The following HPSE2 variants were observed in gnomAD, a reference collection of about 807,000 sequenced individuals.
HPSE2 encodes heparanase 2 (inactive), also known as inactive heparanase-2.
HPSE2 carries 38 observed loss-of-function variants against 60.5 expected under a neutral mutation model. The observed-to-expected ratio is 0.63, with a 90% CI of 0.48 to 0.82. HPSE2 has a LOEUF of 0.82. Ranked by LOEUF, HPSE2 falls within the 40% of genes least tolerant of loss-of-function variation. HPSE2 has a pLI of 0.00. For synonymous variants in HPSE2, 295 were observed against 293.2 expected (o/e 1.01, Z -0.06); for missense variants, 713 against 740.4 (o/e 0.96, Z 0.43).
At chr10:98,957,549 G>C (rs982090596) in intron 3 of HPSE2, among the ~76,000 whole-genome samples, 6 of 152,182 alleles carry the variant, frequency 3.9e-5, no homozygotes, top group African/African-American at 1.4e-4. Flanking sequence ...GATAGGAAGG[G>C]TAAGGCTGCC....
chr10:98,546,683 C>T (rs1217985778), intron 9 of HPSE2, among the ~76,000 whole-genome samples: 1 of 151,180 alleles, frequency 6.6e-6, no homozygotes, highest in Non-Finnish European at 1.5e-5. Context: ...ACATGTTAGA[C>T]CTAAAACCAT....
At chr10:99,096,456 C>A (rs964994317) in intron 3 of HPSE2, among the ~76,000 whole-genome samples, 3 of 152,052 alleles carry the variant, frequency 2.0e-5, no homozygotes, top group Admixed American at 6.6e-5. Context: ...AAACTGAGGT[C>A]CAAGGTTGTC....
intron 3 of HPSE2, among the ~76,000 whole-genome samples, chr10:98,822,097 GATGAC>G (rs1206263708): frequency 6.6e-6 from 1 of 152,144 alleles, no homozygotes; most frequent in African/African-American, 2.4e-5. Flanking sequence ...TGACATATCA[GATGAC>G]TAACTGGGCA....
intron 2 of HPSE2, among the ~76,000 whole-genome samples, chr10:99,155,997 T>C (rs1444569680): frequency 6.6e-6 from 1 of 151,326 alleles, no homozygotes. Flanking sequence ...CTAGAAAATC[T>C]AGAAGAAATG....
chr10:98,875,612 G>A (rs115381721), intron 3 of HPSE2, among the ~76,000 whole-genome samples: 171 of 151,752 alleles, frequency 1.1e-3, no homozygotes, highest in African/African-American at 3.9e-3. Context: ...AAGAATAACT[G>A]GTACCCTTCT....
chr10:99,127,939 T>G (rs935683581), intron 3 of HPSE2, among the ~76,000 whole-genome samples: 1 of 152,192 alleles, frequency 6.6e-6, no homozygotes, highest in Non-Finnish European at 1.5e-5. Context: ...AGACAAATGC[T>G]GAGAGAATTC....
At chr10:98,774,786 T>C (rs527993081) in intron 3 of HPSE2, among the ~76,000 whole-genome samples, 2 of 152,338 alleles carry the variant, frequency 1.3e-5, no homozygotes, top group Non-Finnish European at 2.9e-5. Flanking sequence ...TTCCTTTCCC[T>C]GCAAGAAGTA....
chr10:99,091,213 G>C lies in HPSE2; in HGVS notation c.610+53025C>G, dbSNP rs1843500185. On this transcript the variant is annotated intron_variant, in intron 3 of 11. Transcript: ENST00000370552. ...AATAGCATCCCATCAAATTAAAAATGAAACAGAAGCTCTAACATATCCCAA... is the reference window on the plus strand; with the variant it reads ...AATAGCATCCCATCAAATTAAAAATCAAACAGAAGCTCTAACATATCCCAA... Among the ~76,000 whole-genome samples, 3 of 152,230 alleles carry C rather than the reference G, an allele frequency of 2.0e-5. No individual in the cohort carries two copies. The South Asian group carries it at 6.2e-4, about 32-fold the overall frequency.
intron 2 of HPSE2, among the ~76,000 whole-genome samples, chr10:99,167,384 G>A (rs1847126254): frequency 6.6e-6 from 1 of 152,162 alleles, no homozygotes; most frequent in African/African-American, 2.4e-5. Flanking sequence ...TCTTCTAGAA[G>A]TTTTATAAGT....
intron 3 of HPSE2, among the ~76,000 whole-genome samples, chr10:98,828,422 C>T (rs1411672833): frequency 6.6e-6 from 1 of 152,114 alleles, no homozygotes; most frequent in Non-Finnish European, 1.5e-5. Flanking sequence ...TTCCTGGTAC[C>T]AATTATTTGT....
intron 3 of HPSE2, among the ~76,000 whole-genome samples, chr10:98,812,049 C>T (rs1305825266): frequency 2.0e-5 from 3 of 152,066 alleles, no homozygotes; most frequent in Non-Finnish European, 1.5e-5. Context: ...GTTCCAGCGA[C>T]ATTTTTGTAG....
chr10:98,466,942 C>T (rs540782082), intron 11 of HPSE2, among the ~76,000 whole-genome samples: 10 of 152,326 alleles, frequency 6.6e-5, no homozygotes, highest in Non-Finnish European at 1.3e-4. Context: ...CTTCTCCAAC[C>T]GCCAAGAGGC....
intron 3 of HPSE2, among the ~76,000 whole-genome samples, chr10:98,892,893 T>C (rs778989272): frequency 6.6e-6 from 1 of 152,144 alleles, no homozygotes; most frequent in Non-Finnish European, 1.5e-5. Context: ...TGTAGAGCTG[T>C]CCTCTGTCCT....
intron 3 of HPSE2, among the ~76,000 whole-genome samples, chr10:99,087,624 C>T (rs1843368277): frequency 1.3e-5 from 2 of 152,128 alleles, no homozygotes; most frequent in East Asian, 1.9e-4. Context: ...CGGGTGGGAT[C>T]CTGTGTGGCC....
chr10:98,628,222 T>C (rs1946269178), intron 7 of HPSE2, among the ~76,000 whole-genome samples: 1 of 152,144 alleles, frequency 6.6e-6, no homozygotes. Context: ...AAGAGCATGA[T>C]GGTGACATGT....
intron 9 of HPSE2, among the ~76,000 whole-genome samples, chr10:98,570,842 C>T (rs1944474132): frequency 6.6e-6 from 1 of 152,102 alleles, no homozygotes; most frequent in Non-Finnish European, 1.5e-5. Flanking sequence ...ATGATTTATC[C>T]TGTCCAATTA....
At chr10:99,274,287 C>G in the HPSE2 span, among the ~76,000 whole-genome samples, 1 of 152,182 alleles carries the variant, frequency 6.6e-6, no homozygotes, top group Non-Finnish European at 1.5e-5. Flanking sequence ...ACGGAGGTTG[C>G]AGTGAGCAAA....
At chr10:98,493,118 G>A (rs528170307) in intron 9 of HPSE2, among the ~76,000 whole-genome samples, 2 of 152,250 alleles carry the variant, frequency 1.3e-5, no homozygotes, top group Non-Finnish European at 1.5e-5. Flanking sequence ...TGTCCTCAAG[G>A]TTCATCCATG....
At chr10:99,040,967 G>C (rs905911632) in intron 3 of HPSE2, among the ~76,000 whole-genome samples, 3 of 151,654 alleles carry the variant, frequency 2.0e-5, no homozygotes, top group Non-Finnish European at 4.4e-5. Context: ...GGTGCCTATA[G>C]TCCCAGCTAC....
Sources: gnomAD v4.1 joint callset for allele counts (sites outside exome capture counted in the v4.1 genomes callset) on GRCh38, gnomAD v4.1.1 for gene constraint, MANE v1.5 for transcripts, NCBI Gene and HGNC (gene_info 2026-07-23, HGNC 2026-07-21) for gene names.